LOC128706665: variants seen among roughly 807,000 people sequenced by gnomAD.
the LOC128706665 span, among the ~76,000 whole-genome samples, chr20:10,431,324 A>G: frequency 6.6e-6 from 1 of 151,792 alleles, no homozygotes; most frequent in Non-Finnish European, 1.5e-5. Context: ...TTTAGGGATT[A>G]GCAATTTTCA....
the LOC128706665 span, among the ~76,000 whole-genome samples, chr20:10,431,144 A>C: frequency 6.6e-6 from 1 of 152,178 alleles, no homozygotes. Flanking sequence ...GGAGTATATT[A>C]TCTTATACGA....
the LOC128706665 span, chr20:10,413,905 A>G: frequency 2.4e-6 from 1 of 419,372 alleles, no homozygotes. Context: ...TTCGATATGA[A>G]GCTCAGATTC....
At chr20:10,417,246 A>C in the LOC128706665 span, among the ~76,000 whole-genome samples, 1 of 716 alleles carries the variant, frequency 1.4e-3, no homozygotes, top group Non-Finnish European at 0.018. Flanking sequence ...ACTCCATCTT[A>C]AAAAAAAAAA....
chr20:10,416,592 T>C, the LOC128706665 span, among the ~76,000 whole-genome samples: 1 of 152,184 alleles, frequency 6.6e-6, no homozygotes, highest in Non-Finnish European at 1.5e-5. Flanking sequence ...CTCATTATTA[T>C]AAAAACCAAT....
chr20:10,421,251 G>GA, the LOC128706665 span, among the ~76,000 whole-genome samples: 1 of 151,684 alleles, frequency 6.6e-6, no homozygotes, highest in Non-Finnish European at 1.5e-5. Flanking sequence ...CCAACACAGT[G>GA]AAACATCGTT....
chr20:10,424,496 T>C, the LOC128706665 span, among the ~76,000 whole-genome samples: 1 of 152,210 alleles, frequency 6.6e-6, no homozygotes, highest in Non-Finnish European at 1.5e-5. Context: ...ACATTGGATG[T>C]ATTCTATTGC....
the LOC128706665 span, among the ~76,000 whole-genome samples, chr20:10,423,748 A>G: frequency 2.6e-5 from 4 of 152,328 alleles, no homozygotes; most frequent in African/African-American, 9.6e-5. Flanking sequence ...TACTCTTTCC[A>G]TTAGGATAAC....
At chr20:10,414,765 A>C in the LOC128706665 span, among the ~76,000 whole-genome samples, 1 of 152,186 alleles carries the variant, frequency 6.6e-6, no homozygotes, top group African/African-American at 2.4e-5. Context: ...ACTAATGTAT[A>C]GTCTATATTT....
At chr20:10,415,296 T>C in the LOC128706665 span, among the ~76,000 whole-genome samples, 1 of 152,188 alleles carries the variant, frequency 6.6e-6, no homozygotes, top group Non-Finnish European at 1.5e-5. Context: ...CAAATCTATT[T>C]AGCCTAAAGT....
the LOC128706665 span, among the ~76,000 whole-genome samples, chr20:10,432,782 T>A: frequency 1.0e-5 from 1 of 95,832 alleles, no homozygotes; most frequent in Non-Finnish European, 2.2e-5. Flanking sequence ...AGAGCGAGAC[T>A]CTTTGTCAAA....
At chr20:10,421,103 T>A in the LOC128706665 span, among the ~76,000 whole-genome samples, 129 of 148,542 alleles carry the variant, frequency 8.7e-4, no homozygotes, top group Non-Finnish European at 1.3e-3. Flanking sequence ...CACAATAGAG[T>A]AAGAGCCTTT....
At chr20:10,420,996 T>C in the LOC128706665 span, among the ~76,000 whole-genome samples, 3 of 152,176 alleles carry the variant, frequency 2.0e-5, no homozygotes, top group Non-Finnish European at 2.9e-5. Context: ...TTGGCAACAA[T>C]TGCAAAGGAG....
chr20:10,423,893 G>A, the LOC128706665 span, among the ~76,000 whole-genome samples: 1 of 152,148 alleles, frequency 6.6e-6, no homozygotes. Context: ...AAATGATGTA[G>A]ACTGATTTAA....
chr20:10,420,823 T>A, the LOC128706665 span: 1 of 152,218 alleles, frequency 6.6e-6, no homozygotes, highest in Non-Finnish European at 1.5e-5. Flanking sequence ...TTAATTACAT[T>A]TCTAAATCAC....
At chr20:10,433,608 G>A in the LOC128706665 span, among the ~76,000 whole-genome samples, 4 of 152,200 alleles carry the variant, frequency 2.6e-5, no homozygotes, top group Non-Finnish European at 5.9e-5. Context: ...ATCCCTACAA[G>A]GTCCACAGCC....
the LOC128706665 span, among the ~76,000 whole-genome samples, chr20:10,414,544 C>T: frequency 2.6e-5 from 4 of 152,084 alleles, no homozygotes; most frequent in African/African-American, 9.7e-5. Flanking sequence ...GGATTACAAG[C>T]GTGAGCCACT....
At chr20:10,415,691 CAT>C in the LOC128706665 span, among the ~76,000 whole-genome samples, 1 of 151,848 alleles carries the variant, frequency 6.6e-6, no homozygotes, top group Non-Finnish European at 1.5e-5. Context: ...TTAAAACTTA[CAT>C]ACACACCCCA....
the LOC128706665 span, among the ~76,000 whole-genome samples, chr20:10,421,332 G>C: frequency 6.6e-6 from 1 of 151,158 alleles, no homozygotes; most frequent in East Asian, 1.9e-4. Flanking sequence ...GCTGAGTCAG[G>C]AGACTTGCTT....
the LOC128706665 span, among the ~76,000 whole-genome samples, chr20:10,427,898 G>A: frequency 1.3e-5 from 2 of 152,182 alleles, no homozygotes; most frequent in African/African-American, 4.8e-5. Flanking sequence ...AGGTCAGCTT[G>A]ACCTATATCC....
Sources: allele counts gnomAD v4.1 joint callset (sites outside exome capture counted in the v4.1 genomes callset), GRCh38; gene constraint gnomAD v4.1.1; transcripts MANE v1.5.